The following KIT variants were observed in gnomAD, a reference collection of about 807,000 sequenced individuals.
The protein encoded by KIT is mast/stem cell growth factor receptor Kit.
In KIT, 16 loss-of-function variants were observed where a neutral mutation model predicts 105.7. The observed-to-expected ratio is 0.15, with a 90% confidence interval of 0.10 to 0.23. KIT has a LOEUF of 0.23. Among genes scored for constraint, KIT ranks in the 10% least tolerant of loss-of-function variants. The probability of loss-of-function intolerance (pLI) is 1.00; values close to 1 mark genes in which losing one functional copy is unlikely to be tolerated. For synonymous variants in KIT, 438 were observed against 441.1 expected, an observed-to-expected ratio of 0.99 and a Z score of 0.09; for missense variants, 858 against 1,213.8, an observed-to-expected ratio of 0.71 and a Z score of 4.36.
At chr4:54,689,870 C>A (rs1164563432) in intron 1 of KIT, among the ~76,000 whole-genome samples, 1 of 152,006 alleles carries the variant, frequency 6.6e-6, no homozygotes, top group African/African-American at 2.4e-5. Context: ...ACTGTCCATC[C>A]CCCACTGTAC....
intron 1 of KIT, among the ~76,000 whole-genome samples, chr4:54,695,198 C>T (rs942360881): frequency 6.6e-6 from 1 of 152,124 alleles, no homozygotes; most frequent in Admixed American, 6.5e-5. Context: ...GTCCACACTG[C>T]GAAGATGGCC....
intron 5 of KIT, among the ~76,000 whole-genome samples, chr4:54,704,916 TA>T (rs1298654180): frequency 6.6e-6 from 1 of 152,204 alleles, no homozygotes; most frequent in African/African-American, 2.4e-5. Context: ...AATAATCTCG[TA>T]AAATTTTGGC....
intron 1 of KIT, among the ~76,000 whole-genome samples, chr4:54,687,959 C>T (rs879799789): frequency 2.8e-4 from 43 of 152,206 alleles, no homozygotes; most frequent in Admixed American, 1.9e-3. Context: ...ACAGTACATG[C>T]GTGATGAAAG....
intron 14 of KIT, among the ~76,000 whole-genome samples, chr4:54,730,133 C>T (rs966700743): frequency 6.6e-6 from 1 of 152,144 alleles, no homozygotes; most frequent in Non-Finnish European, 1.5e-5. Flanking sequence ...TGACTTACAA[C>T]CAGAAAAGAA....
intron 1 of KIT, among the ~76,000 whole-genome samples, chr4:54,687,574 C>T (rs1404701867): frequency 2.0e-5 from 3 of 152,102 alleles, no homozygotes; most frequent in South Asian, 4.2e-4. Flanking sequence ...TGTAGACATT[C>T]CTTCCCCCTG....
At chr4:54,719,279 T>G (rs1721700184) in intron 7 of KIT, among the ~76,000 whole-genome samples, 1 of 152,220 alleles carries the variant, frequency 6.6e-6, no homozygotes. Context: ...CTTCTACCAT[T>G]GGCTTGTGTA....
Position 54,739,603 on chromosome 4 carries a change from A to G in KIT, c.*1046A>G. 1 of 233,624 alleles carries G rather than the reference A, an allele frequency of 4.3e-6. No homozygotes were observed. The highest frequency in any genetic ancestry group is 8.5e-6 in the Non-Finnish European group (1 of 117,978). The allele number at this position is 233,624 out of a possible 1,614,324, so 14.5% of individuals were successfully genotyped here. A position where few individuals can be genotyped will look rare whatever the true frequency, so the allele number is the denominator to read the frequency against. ...TGGATTCTTATGTAGCAGGAAATAA[A>G]GTATAGGTTTAGCCTCCTTCGCAGG... On this transcript the variant is annotated 3_prime_UTR_variant, in exon 21 of 21. Transcript: ENST00000288135.
chr4:54,668,152 C>T (rs1435545162), intron 1 of KIT, among the ~76,000 whole-genome samples: 1 of 152,050 alleles, frequency 6.6e-6, no homozygotes, highest in Non-Finnish European at 1.5e-5. Context: ...TTCCCTGGAT[C>T]CCCCCGAGTC....
chr4:54,702,141 T>TA (rs1720491970), intron 4 of KIT, among the ~76,000 whole-genome samples: 2 of 152,172 alleles, frequency 1.3e-5, no homozygotes. Flanking sequence ...TACTTTAATG[T>TA]AAAAATATTT....
At chr4:54,736,985 T>A (rs1396032130) in intron 19 of KIT, among the ~76,000 whole-genome samples, 165 bp downstream of exon 19, 1 of 152,224 alleles carries the variant, frequency 6.6e-6, no homozygotes, top group Non-Finnish European at 1.5e-5. Flanking sequence ...ATTTTCATAA[T>A]CTCTTGTCAC....
rs1417549473 is a variant in KIT at position 54,739,856 on chromosome 4, T to G, written c.*1299T>G. 4.3e-6 allele frequency: 1 copy of G among 233,364 alleles called. No individual in the cohort carries two copies. Among genetic ancestry groups the G allele is most frequent in the African/African-American group, 2.2e-5 (1 of 45,306 alleles). 14.5% of individuals were successfully genotyped at this position (233,364 alleles called of 1,614,324 possible). Reference sequence around the variant, plus strand: ...GTGCAGAGGAAGTGGAAGGCATCAGTCCCTATGTATTTGCAGTTCACCTGC... The same window carrying G: ...GTGCAGAGGAAGTGGAAGGCATCAGGCCCTATGTATTTGCAGTTCACCTGC... On this transcript the variant is annotated 3_prime_UTR_variant, in exon 21 of 21. Coordinates refer to ENST00000288135, the MANE Select transcript of KIT (RefSeq NM_000222.3).
intron 1 of KIT, among the ~76,000 whole-genome samples, chr4:54,664,721 T>G (rs1717556823): frequency 6.6e-6 from 1 of 151,860 alleles, no homozygotes; most frequent in African/African-American, 2.4e-5. Context: ...GATCCTCTCA[T>G]CTCAGCCTCC....
At chr4:54,738,089 C>T (rs1723028990) in intron 20 of KIT, among the ~76,000 whole-genome samples, 3 of 152,150 alleles carry the variant, frequency 2.0e-5, no homozygotes, top group East Asian at 3.9e-4. Flanking sequence ...CAGCAAATTA[C>T]ATTGGTTATT....
chr4:54,671,620 A>ACATTTAAGT (rs1430606171), intron 1 of KIT, among the ~76,000 whole-genome samples: 1 of 152,188 alleles, frequency 6.6e-6, no homozygotes, highest in Non-Finnish European at 1.5e-5. Context: ...TTCAGGGTCT[A>ACATTTAAGT]CATTTAAGTA....
At chr4:54,738,035 C>G (rs1227715124) in intron 20 of KIT, among the ~76,000 whole-genome samples, 4 of 152,276 alleles carry the variant, frequency 2.6e-5, no homozygotes, top group African/African-American at 4.8e-5. Flanking sequence ...CACCCAGTTG[C>G]TTTGATTCTT....
At chr4:54,736,465 A>G in intron 17 of KIT, 33 bp from the exon 18 acceptor site, 1 of 1,443,164 alleles carries the variant, frequency 6.9e-7, no homozygotes. Context: ...CTTCTGAATT[A>G]ACATTATTGA....
chr4:54,677,998 G>A (rs972899721), intron 1 of KIT, among the ~76,000 whole-genome samples: 6 of 152,192 alleles, frequency 3.9e-5, no homozygotes, highest in African/African-American at 9.7e-5. Context: ...TTATTTGCAC[G>A]TTGATTGATG....
chr4:54,696,429 G>T (rs1267692894), intron 2 of KIT, among the ~76,000 whole-genome samples: 1 of 152,144 alleles, frequency 6.6e-6, no homozygotes, highest in African/African-American at 2.4e-5. Context: ...GGTGTATCTT[G>T]TAGTTGATGT....
In KIT at chr4:54,732,045, ATTTTTTTTTTTTT is replaced by A. The variant is rs71662297; in HGVS notation, c.2361+60_2361+72del. ...AAGAGTTTTGTGTTTTGTTTTTTTG[ATTTTTTTTTTTTT>A]TTTTTTTTTTTTGAGAACAGAGCAT... On this transcript the variant is annotated intron_variant, in intron 16 of 20. Coordinates refer to ENST00000288135, the MANE Select transcript of KIT (RefSeq NM_000222.3). 7.2e-4 allele frequency: 644 copies of A among 888,856 alleles called. 6 individuals are homozygous for A. Among genetic ancestry groups the A allele is most frequent in the Middle Eastern group, 6.1e-3 (16 of 2,606 alleles). 55.1% of individuals were successfully genotyped at this position (888,856 alleles called of 1,614,324 possible).
Sources: gnomAD v4.1 joint callset for allele counts (sites outside exome capture counted in the v4.1 genomes callset) on GRCh38, gnomAD v4.1.1 for gene constraint, MANE v1.5 for transcripts, NCBI Gene and HGNC (gene_info 2026-07-23, HGNC 2026-07-21) for gene names.